TIAM1: variants seen among roughly 807,000 people sequenced by gnomAD.
The protein encoded by TIAM1 is TIAM Rac1 associated GEF 1, also known as rho guanine nucleotide exchange factor TIAM1.
Under a neutral mutation model 163.5 loss-of-function variants are expected in TIAM1, and 65 were observed. The ratio of observed to expected loss-of-function variants is 0.40; its 90% CI spans 0.33 to 0.49. The LOEUF (loss-of-function observed/expected upper bound fraction) is 0.49. TIAM1 is among the 20% of genes least tolerant of loss of function. The probability of loss-of-function intolerance (pLI) is 0.77; values close to 1 mark genes in which losing one functional copy is unlikely to be tolerated. For missense variants in TIAM1, 1,789 were observed against 2,044.7 expected (o/e 0.87, Z 2.41); for synonymous variants, 833 against 810.1 (o/e 1.03, Z -0.48).
At chr21:31,485,188 T>C (rs1377583093) in intron 1 of TIAM1, among the ~76,000 whole-genome samples, 5 of 152,218 alleles carry the variant, frequency 3.3e-5, no homozygotes, top group Non-Finnish European at 7.3e-5. Flanking sequence ...GAACAGAGAC[T>C]GAAGAGCAAG....
At chr21:31,487,263 G>C (rs371584585) in intron 1 of TIAM1, among the ~76,000 whole-genome samples, 1 of 152,164 alleles carries the variant, frequency 6.6e-6, no homozygotes, top group Non-Finnish European at 1.5e-5. Flanking sequence ...CAGCCCCCAC[G>C]ACAAAGAATC....
intron 4 of TIAM1, among the ~76,000 whole-genome samples, chr21:31,261,099 C>G (rs2072441592): frequency 6.6e-6 from 1 of 152,152 alleles, no homozygotes; most frequent in African/African-American, 2.4e-5. Context: ...CAATGCTGCA[C>G]TCTTTACCTT....
In TIAM1 at chr21:31,167,088, CTTTTTTTT is replaced by C. The variant is rs72031739; in HGVS notation, c.2888-2031_2888-2024del. Among the ~76,000 whole-genome samples the C allele has an allele frequency of 4.0e-5, 5 of 125,108 alleles. No individual in the cohort carries two copies. The South Asian group carries it at 1.3e-3, about 32-fold the overall frequency. The allele number at this position is 125,108 out of a possible 152,430, so 82.1% of individuals were successfully genotyped here. On this transcript the variant is annotated intron_variant, in intron 15 of 27. Coordinates refer to ENST00000541036, the MANE Select transcript of TIAM1 (RefSeq NM_001353694.2). ...GTGGGAAAGCAAATAAAAGGATTTC[CTTTTTTTT>C]TTTTTTTTTTTTGAGATGGAGTTTC...
Position 31,433,985 on chromosome 21 carries a change from A to G in TIAM1, c.-369+29998T>C, listed in dbSNP as rs148840697. On this transcript the variant is annotated intron_variant, in intron 2 of 28. Coordinates refer to the TIAM1 transcript ENST00000286827. ...GCTAATTTTTGTATTTTTGTTAGAGACAGGGTTTTGCCACGTTGCCCAGGC... is the reference window on the plus strand; with the variant it reads ...GCTAATTTTTGTATTTTTGTTAGAGGCAGGGTTTTGCCACGTTGCCCAGGC... 4.2e-3 allele frequency among the ~76,000 whole-genome samples: 644 copies of G among 152,106 alleles called. 2 individuals are homozygous for G. Among genetic ancestry groups the G allele is most frequent in the African/African-American group, 0.015 (620 of 41,498 alleles).
Position 31,380,924 on chromosome 21 carries a change from C to T in TIAM1, c.-368-41502G>A, listed in dbSNP as rs369743142. On this transcript the variant is annotated intron_variant, in intron 2 of 28. Coordinates refer to the TIAM1 transcript ENST00000286827. ...CTCACATGTTGAATGACCTGGGATC[C>T]TCCCCCAAGCCCCAGCTTCTCTATA... is the stretch of plus-strand genomic sequence containing the variant. 1.6e-4 allele frequency among the ~76,000 whole-genome samples: 25 copies of T among 152,310 alleles called. 1 individual carries two copies. In the East Asian group the frequency reaches 2.5e-3, roughly 15 times the overall value.
chr21:31,427,831 C>G (rs1435719791), intron 2 of TIAM1, among the ~76,000 whole-genome samples: 1 of 151,760 alleles, frequency 6.6e-6, no homozygotes, highest in Non-Finnish European at 1.5e-5. Flanking sequence ...AATACCCCGT[C>G]TCAAAAACAA....
intron 20 of TIAM1, among the ~76,000 whole-genome samples, chr21:31,145,892 G>T (rs1039696107): frequency 1.3e-5 from 2 of 152,072 alleles, no homozygotes; most frequent in African/African-American, 4.8e-5. Context: ...ATAACAAAAT[G>T]ATGTTGAACA....
chr21:31,372,073 C>G (rs1183609815), intron 2 of TIAM1, among the ~76,000 whole-genome samples: 1 of 152,174 alleles, frequency 6.6e-6, no homozygotes, highest in Non-Finnish European at 1.5e-5. Flanking sequence ...CAGTGGAGTA[C>G]ATGTAATACT....
intron 1 of TIAM1, among the ~76,000 whole-genome samples, chr21:31,506,915 TCAAA>T (rs908988731): frequency 4.5e-4 from 69 of 152,268 alleles, no homozygotes; most frequent in African/African-American, 1.6e-3. Flanking sequence ...AGACCCTGTC[TCAAA>T]CAAACAAACA....
chr21:31,195,538 G>A (rs2085803614), intron 12 of TIAM1, among the ~76,000 whole-genome samples: 1 of 151,774 alleles, frequency 6.6e-6, no homozygotes, highest in East Asian at 1.9e-4. Context: ...ACATCACTCT[G>A]TCTGTCTATT....
At chr21:31,338,038 G>A (rs2075900437) in intron 2 of TIAM1, among the ~76,000 whole-genome samples, 1 of 152,256 alleles carries the variant, frequency 6.6e-6, no homozygotes, top group East Asian at 1.9e-4. Flanking sequence ...TAACCCTGAG[G>A]AGGGTGCACA....
At chr21:31,189,262 C>T (rs899370513) in intron 13 of TIAM1, among the ~76,000 whole-genome samples, 1 of 151,774 alleles carries the variant, frequency 6.6e-6, no homozygotes, top group Non-Finnish European at 1.5e-5. Flanking sequence ...GTCATGCTGG[C>T]CAGACTGGTC....
chr21:31,242,352 C>T (rs2146704780), intron 6 of TIAM1, among the ~76,000 whole-genome samples: 1 of 152,016 alleles, frequency 6.6e-6, no homozygotes, highest in Middle Eastern at 3.4e-3. Flanking sequence ...AGACCTCCAT[C>T]TCTACAAAAA....
intron 13 of TIAM1, among the ~76,000 whole-genome samples, chr21:31,187,370 G>A (rs961078562): frequency 7.2e-5 from 11 of 151,982 alleles, no homozygotes; most frequent in Admixed American, 1.3e-4. Context: ...CCTGGTAAAC[G>A]CCATCATTTT....
chr21:31,329,682 T>C lies in TIAM1; in HGVS notation c.-189+9561A>G, dbSNP rs1181536259. 2.0e-5 allele frequency among the ~76,000 whole-genome samples: 3 copies of C among 152,134 alleles called. No homozygotes were observed. The East Asian group carries it at 5.8e-4, about 29-fold the overall frequency. ...ACAGCTATGAAGCCGCCAGGGAAAA[T>C]CCCATTCTTAGAGTATCAGAGCCTC... On this transcript the variant is annotated intron_variant, in intron 2 of 27. Transcript: ENST00000541036.
chr21:31,503,455 A>AAGGG (rs1720904183), intron 1 of TIAM1, among the ~76,000 whole-genome samples: 2 of 79,604 alleles, frequency 2.5e-5, no homozygotes. Flanking sequence ...GGAAGGAAGG[A>AAGGG]AGGGAGGGAG....
intron 4 of TIAM1, among the ~76,000 whole-genome samples, chr21:31,263,890 A>T (rs1020675362): frequency 6.6e-6 from 1 of 152,102 alleles, no homozygotes; most frequent in Non-Finnish European, 1.5e-5. Flanking sequence ...CTTTCAGGTG[A>T]CTCTTTAATA....
intron 3 of TIAM1, 46 bp downstream of exon 3, chr21:31,276,686 T>C (rs1403482397): frequency 6.6e-6 from 1 of 152,216 alleles, no homozygotes; most frequent in Non-Finnish European, 1.5e-5. Flanking sequence ...GCATTTCCAT[T>C]AATTCATACA....
intron 2 of TIAM1, among the ~76,000 whole-genome samples, chr21:31,293,206 G>GA (rs1414687970): frequency 1.3e-5 from 2 of 152,084 alleles, no homozygotes; most frequent in Non-Finnish European, 2.9e-5. Context: ...GAGACCCAGG[G>GA]AAAAAATGAT....
Sources: gnomAD v4.1 joint callset for allele counts (sites outside exome capture counted in the v4.1 genomes callset) on GRCh38, gnomAD v4.1.1 for gene constraint, MANE v1.5 for transcripts, NCBI Gene and HGNC (gene_info 2026-07-23, HGNC 2026-07-21) for gene names.